Variants in ADGRB3 observed in about 807,000 individuals in gnomAD.
ADGRB3 encodes adhesion G protein-coupled receptor B3.
A neutral mutation model predicts 193.4 loss-of-function variants in ADGRB3; 37 were observed. The observed-to-expected ratio is 0.19, with a 90% CI of 0.15 to 0.25. The LOEUF is 0.25. Ranked by LOEUF, ADGRB3 falls within the 10% of genes least tolerant of loss-of-function variation. The pLI, the probability that ADGRB3 is intolerant of heterozygous loss-of-function variation, is 1.00. For synonymous variants in ADGRB3, 690 were observed against 644.2 expected, an observed-to-expected ratio of 1.07 and a Z score of -1.08; for missense variants, 1,637 against 1,852.9, an observed-to-expected ratio of 0.88 and a Z score of 2.14.
In ADGRB3 at chr6:68,805,052, G is replaced by A. The variant is rs796418672; in HGVS notation, c.758-125507G>A. 7.9e-5 allele frequency among the ~76,000 whole-genome samples: 12 copies of A among 151,876 alleles called. No individual in the cohort carries two copies. The South Asian group carries it at 1.0e-3, about 13-fold the overall frequency. ...AAACAATCCTCCCACCTCAGCCTCC[G>A]AAGTACTTGGGACAACAGACATGCA... On this transcript the variant is annotated intron_variant, in intron 3 of 31. Transcript: ENST00000370598.
chr6:68,743,627 T>A (rs183749306), intron 3 of ADGRB3, among the ~76,000 whole-genome samples: 1 of 152,086 alleles, frequency 6.6e-6, no homozygotes, highest in African/African-American at 2.4e-5. Flanking sequence ...ATAAGGAAAT[T>A]CACTAAAAAG....
chr6:69,342,081 C>G (rs1008849207), intron 26 of ADGRB3, among the ~76,000 whole-genome samples: 5 of 152,044 alleles, frequency 3.3e-5, no homozygotes, highest in Non-Finnish European at 7.4e-5. Flanking sequence ...TCCCTCAGAA[C>G]TTTTTCGTAC....
intron 17 of ADGRB3, among the ~76,000 whole-genome samples, chr6:69,100,619 C>T (rs1773004456): frequency 6.6e-6 from 1 of 151,904 alleles, no homozygotes; most frequent in Non-Finnish European, 1.5e-5. Flanking sequence ...CAGAGATTGG[C>T]TTTGTATTTC....
intron 3 of ADGRB3, among the ~76,000 whole-genome samples, chr6:68,757,637 A>C (rs1582176646): frequency 1.3e-5 from 2 of 151,946 alleles, no homozygotes; most frequent in Admixed American, 6.6e-5. Context: ...TCACTTTCTT[A>C]TAATTCTTTT....
chr6:69,137,047 C>A (rs373997328), intron 17 of ADGRB3, among the ~76,000 whole-genome samples: 2 of 108,364 alleles, frequency 1.8e-5, no homozygotes, highest in East Asian at 6.0e-4. Context: ...TGTTTCTTTT[C>A]TTTTCTTTCT....
chr6:68,646,733 T>C (rs1768224911), intron 3 of ADGRB3, among the ~76,000 whole-genome samples: 1 of 152,186 alleles, frequency 6.6e-6, no homozygotes, highest in Non-Finnish European at 1.5e-5. Context: ...TGAGTAACTA[T>C]GTGATGCTAC....
chr6:68,926,503 G>A (rs557518662), intron 3 of ADGRB3, among the ~76,000 whole-genome samples: 1 of 152,226 alleles, frequency 6.6e-6, no homozygotes, highest in South Asian at 2.1e-4. Flanking sequence ...GAATCCCATA[G>A]CAACAAGTAG....
intron 17 of ADGRB3, among the ~76,000 whole-genome samples, chr6:69,178,816 C>T (rs1234827917): frequency 6.6e-6 from 1 of 152,158 alleles, no homozygotes; most frequent in Non-Finnish European, 1.5e-5. Flanking sequence ...TCTGACAAGT[C>T]TAGAGCCTAA....
intron 3 of ADGRB3, among the ~76,000 whole-genome samples, chr6:68,673,190 G>C (rs1174465599): frequency 6.6e-6 from 1 of 152,104 alleles, no homozygotes; most frequent in Non-Finnish European, 1.5e-5. Context: ...CTGAAAATAA[G>C]TAGAGATTCT....
At chr6:68,715,691 A>G (rs1418503305) in intron 3 of ADGRB3, among the ~76,000 whole-genome samples, 2 of 151,822 alleles carry the variant, frequency 1.3e-5, no homozygotes, top group African/African-American at 4.8e-5. Flanking sequence ...TCATTCCATT[A>G]GTTGCTTTAC....
intron 13 of ADGRB3, among the ~76,000 whole-genome samples, chr6:69,021,255 T>G (rs544721521): frequency 6.6e-6 from 1 of 152,006 alleles, no homozygotes; most frequent in South Asian, 2.1e-4. Context: ...CATAATGTAT[T>G]TTAGAGAGAT....
intron 3 of ADGRB3, among the ~76,000 whole-genome samples, chr6:68,884,590 G>A (rs1194633438): frequency 6.6e-6 from 1 of 152,130 alleles, no homozygotes; most frequent in African/African-American, 2.4e-5. Flanking sequence ...CTGAGATGAG[G>A]TTGGAGACAG....
At chr6:69,215,306 G>A (rs1034476417) in intron 17 of ADGRB3, among the ~76,000 whole-genome samples, 4 of 152,000 alleles carry the variant, frequency 2.6e-5, no homozygotes, top group Admixed American at 1.3e-4. Context: ...GAGTGAAGGG[G>A]ATATCTGTGT....
chr6:68,839,851 T>G (rs2127386908), intron 3 of ADGRB3, among the ~76,000 whole-genome samples: 1 of 152,274 alleles, frequency 6.6e-6, no homozygotes, highest in African/African-American at 2.4e-5. Flanking sequence ...CTCCCCTGTC[T>G]TATGGCAGCT....
At chr6:69,191,902 C>T (rs539380800) in intron 17 of ADGRB3, among the ~76,000 whole-genome samples, 23 of 152,124 alleles carry the variant, frequency 1.5e-4, no homozygotes, top group South Asian at 4.1e-4. Context: ...CTGAAACAAC[C>T]GTTAAGTGAC....
At chr6:68,672,570 A>C (rs1179422994) in intron 3 of ADGRB3, among the ~76,000 whole-genome samples, 1 of 152,010 alleles carries the variant, frequency 6.6e-6, no homozygotes, top group African/African-American at 2.4e-5. Flanking sequence ...CTTCATATTT[A>C]CCTTTGGTAG....
intron 11 of ADGRB3, among the ~76,000 whole-genome samples, chr6:69,003,098 T>C (rs1305098587): frequency 1.3e-5 from 2 of 152,308 alleles, no homozygotes; most frequent in Middle Eastern, 6.8e-3. Context: ...ATAGGATTCA[T>C]GTGAGGGTTA....
chr6:68,738,691 A>G (rs1765920282), intron 3 of ADGRB3, among the ~76,000 whole-genome samples: 1 of 152,142 alleles, frequency 6.6e-6, no homozygotes, highest in African/African-American at 2.4e-5. Context: ...TTAAGAATGG[A>G]GTTATTTTCT....
intron 3 of ADGRB3, among the ~76,000 whole-genome samples, chr6:68,707,110 C>CAAA (rs11349240): frequency 3.3e-5 from 3 of 90,530 alleles, no homozygotes; most frequent in African/African-American, 4.2e-5. Context: ...GACTCCATCT[C>CAAA]AAAAAAAAAA....
Sources: gnomAD v4.1 joint callset for allele counts (sites outside exome capture counted in the v4.1 genomes callset) on GRCh38, gnomAD v4.1.1 for gene constraint, MANE v1.5 for transcripts, NCBI Gene and HGNC (gene_info 2026-07-23, HGNC 2026-07-21) for gene names.